FAM227B: variants seen among roughly 807,000 people sequenced by gnomAD.
FAM227B encodes protein FAM227B.
Under a neutral mutation model 73.8 loss-of-function variants are expected in FAM227B, and 88 were observed. The observed-to-expected ratio is 1.19, with a 90% CI of 1.00 to 1.42. FAM227B has a LOEUF of 1.42. FAM227B is among the 40% of genes most tolerant of loss of function. The probability of loss-of-function intolerance (pLI) is 0.00; values close to 1 mark genes in which losing one functional copy is unlikely to be tolerated. For synonymous variants in FAM227B, 210 were observed against 190.5 expected (o/e 1.10, Z -0.84); for missense variants, 632 against 590.9 (o/e 1.07, Z -0.72).
At chr15:49,443,322 T>G (rs2051854237) in intron 11 of FAM227B, among the ~76,000 whole-genome samples, 1 of 151,616 alleles carries the variant, frequency 6.6e-6, no homozygotes, top group South Asian at 2.1e-4. Context: ...AATGTATTTA[T>G]ATGATGGAAA....
At chr15:49,606,500 T>C (rs537155430) in intron 3 of FAM227B, among the ~76,000 whole-genome samples, 16 of 152,350 alleles carry the variant, frequency 1.1e-4, no homozygotes, top group Non-Finnish European at 2.2e-4. Context: ...GATATCCTTT[T>C]CATACTACTT....
In FAM227B at chr15:49,577,361, G is replaced by T; in HGVS notation, c.441+268C>A. The T allele has an allele frequency of 2.5e-6, 1 of 400,848 alleles. No individual in the cohort carries two copies. The highest frequency in any genetic ancestry group is 4.2e-5 in the Admixed American group (1 of 23,628). 24.8% of individuals were successfully genotyped at this position (400,848 alleles called of 1,614,324 possible). ...TGCTTCTTTGAAATTAAGAACCCTA[G>T]CACATTCATATGTCATATCTAAAAT... On this transcript the variant is annotated intron_variant, in intron 6 of 15. Transcript: ENST00000299338.
intron 9 of FAM227B, among the ~76,000 whole-genome samples, chr15:49,551,310 T>C (rs891052567): frequency 3.9e-5 from 6 of 152,150 alleles, no homozygotes; most frequent in African/African-American, 1.4e-4. Context: ...TATTTTTAAA[T>C]TGTTATATCC....
In FAM227B at chr15:49,537,422, T is replaced by C. The variant is rs72729172; in HGVS notation, c.874+4258A>G. ...TAAAAAGTCAAGAGATTAAAAAAATTGGTAAGGGTGTGCATAAATGAGAAC... is the reference window on the plus strand; with the variant it reads ...TAAAAAGTCAAGAGATTAAAAAAATCGGTAAGGGTGTGCATAAATGAGAAC... On this transcript the variant is annotated intron_variant, in intron 10 of 15. Transcript: ENST00000299338. Among the ~76,000 whole-genome samples, 165 of 152,196 alleles carry C rather than the reference T, an allele frequency of 1.1e-3. 1 individual carries two copies. Among genetic ancestry groups the C allele is most frequent in the African/African-American group, 3.9e-3 (161 of 41,558 alleles).
chr15:49,609,217 T>C (rs1156563352), intron 3 of FAM227B, among the ~76,000 whole-genome samples: 1 of 151,342 alleles, frequency 6.6e-6, no homozygotes, highest in African/African-American at 2.4e-5. Context: ...AGAAATAGAA[T>C]TGTGATGGAG....
At chr15:49,504,495 A>G (rs1414267697) in intron 11 of FAM227B, among the ~76,000 whole-genome samples, 3 of 152,062 alleles carry the variant, frequency 2.0e-5, no homozygotes, top group Non-Finnish European at 2.9e-5. Flanking sequence ...AACTAGCACC[A>G]CTCGCGTTCC....
intron 11 of FAM227B, among the ~76,000 whole-genome samples, chr15:49,496,555 A>G (rs953234440): frequency 2.6e-5 from 4 of 152,190 alleles, no homozygotes; most frequent in Non-Finnish European, 5.9e-5. Context: ...CTGAAATTCT[A>G]TAACTGCTTA....
At chr15:49,556,865 C>T (rs1957492993) in intron 9 of FAM227B, among the ~76,000 whole-genome samples, 1 of 152,214 alleles carries the variant, frequency 6.6e-6, no homozygotes, top group South Asian at 2.1e-4. Context: ...TACAGTCCTG[C>T]TCCAACATAT....
intron 11 of FAM227B, among the ~76,000 whole-genome samples, chr15:49,441,549 C>T (rs7168316): frequency 0.2 from 30,153 of 151,384 alleles, 3,244 homozygotes; most frequent in South Asian, 0.33. Context: ...AAGTGGGACA[C>T]AAAGATTAGT....
In FAM227B at chr15:49,451,966, C is replaced by T. The variant is rs891308632; in HGVS notation, c.1012+56245G>A. On this transcript the variant is annotated intron_variant, in intron 11 of 15. Coordinates refer to ENST00000299338, the MANE Select transcript of FAM227B (RefSeq NM_152647.3). ...GTGTTTAATAACTAGTGAAAAAATG[C>T]TATTTGAGAAACTTTCTCTCAATAT... Among the ~76,000 whole-genome samples, 3 of 152,064 alleles carry T rather than the reference C, an allele frequency of 2.0e-5. No homozygotes were observed. In the South Asian group the frequency reaches 6.2e-4, roughly 32 times the overall value.
chr15:49,484,313 G>A, intron 11 of FAM227B: 1 of 1,585,244 alleles, frequency 6.3e-7, no homozygotes, highest in Non-Finnish European at 8.5e-7. Context: ...TTAACAGAAA[G>A]AATGCAATGA....
intron 8 of FAM227B, among the ~76,000 whole-genome samples, chr15:49,572,597 T>C (rs1331928017): frequency 6.6e-6 from 1 of 152,164 alleles, no homozygotes; most frequent in African/African-American, 2.4e-5. Flanking sequence ...ATTTTCTCAT[T>C]AAGCTGATCA....
intron 9 of FAM227B, among the ~76,000 whole-genome samples, chr15:49,564,017 A>C (rs1439290324): frequency 2.0e-5 from 3 of 152,238 alleles, no homozygotes; most frequent in African/African-American, 7.2e-5. Context: ...AAGCTTCTGC[A>C]CAACATAGGA....
intron 15 of FAM227B, chr15:49,329,492 T>C: frequency 1.0e-6 from 1 of 985,348 alleles, no homozygotes; most frequent in Non-Finnish European, 1.2e-6. Context: ...CATCACCATC[T>C]AGAATTTCAG....
intron 11 of FAM227B, among the ~76,000 whole-genome samples, chr15:49,380,465 A>C (rs1024770649): frequency 6.6e-6 from 1 of 152,034 alleles, no homozygotes; most frequent in East Asian, 1.9e-4. Context: ...TTGATTAAAA[A>C]AAAATATATT....
Position 49,547,758 on chromosome 15 carries a change from C to A in FAM227B, c.748-5952G>T, listed in dbSNP as rs906290475. Among the ~76,000 whole-genome samples the A allele has an allele frequency of 5.9e-5, 9 of 152,136 alleles. 1 individual carries two copies. The highest frequency in any genetic ancestry group is 1.3e-4 in the Non-Finnish European group (9 of 68,008). ...TTTATATAATGATAAAGCAATCAGT[C>A]CAACAGGAAAATGTCACAATCCTAA... On this transcript the variant is annotated intron_variant, in intron 9 of 15. Coordinates refer to ENST00000299338, the MANE Select transcript of FAM227B (RefSeq NM_152647.3).
chr15:49,524,459 G>A (rs562825806), intron 10 of FAM227B, among the ~76,000 whole-genome samples: 4 of 152,310 alleles, frequency 2.6e-5, no homozygotes, highest in Admixed American at 6.5e-5. Flanking sequence ...GAAATGCCTC[G>A]ATACCCAGGC....
chr15:49,594,149 T>C (rs1256317101), intron 3 of FAM227B, among the ~76,000 whole-genome samples: 2 of 152,172 alleles, frequency 1.3e-5, no homozygotes, highest in Admixed American at 6.5e-5. Context: ...TGCATTGTGG[T>C]TTTGATTTGT....
intron 11 of FAM227B, among the ~76,000 whole-genome samples, chr15:49,439,124 A>G (rs548534843): frequency 1.3e-5 from 2 of 151,754 alleles, no homozygotes; most frequent in South Asian, 4.1e-4. Context: ...GGATCTATAT[A>G]AAGCATTCTC....
Sources: gnomAD v4.1 joint callset for allele counts (sites outside exome capture counted in the v4.1 genomes callset) on GRCh38, gnomAD v4.1.1 for gene constraint, MANE v1.5 for transcripts, NCBI Gene and HGNC (gene_info 2026-07-23, HGNC 2026-07-21) for gene names.